Variants in SCRG1 observed in about 807,000 individuals in gnomAD.
SCRG1 encodes the protein stimulator of chondrogenesis 1.
In SCRG1, 3 loss-of-function variants were observed where a neutral mutation model predicts 7.7. The ratio of observed to expected loss-of-function variants is 0.39; its 90% CI spans 0.18 to 1.01. The LOEUF (loss-of-function observed/expected upper bound fraction) is 1.01, where lower values mean the gene tolerates loss of function less well. Ranked by LOEUF, SCRG1 falls within the 50% of genes least tolerant of loss-of-function variation. The pLI is 0.36. For synonymous variants in SCRG1, 46 were observed against 41.2 expected, an observed-to-expected ratio of 1.12 and a Z score of -0.44; for missense variants, 110 against 117.2, an observed-to-expected ratio of 0.94 and a Z score of 0.28.
At chr4:173,426,272 C>T in the SCRG1 span, among the ~76,000 whole-genome samples, 4 of 152,306 alleles carry the variant, frequency 2.6e-5, no homozygotes, top group East Asian at 3.9e-4. Context: ...GGTTTCTCCT[C>T]ATTCATCCGG....
the SCRG1 span, among the ~76,000 whole-genome samples, chr4:173,516,792 C>T: frequency 1.3e-5 from 2 of 152,182 alleles, no homozygotes; most frequent in African/African-American, 4.8e-5. Context: ...AGAGGCGCAC[C>T]GGGTTCCGAC....
At chr4:173,516,778 A>G in the SCRG1 span, among the ~76,000 whole-genome samples, 1 of 152,182 alleles carries the variant, frequency 6.6e-6, no homozygotes, top group African/African-American at 2.4e-5. Context: ...CGCTGACGTT[A>G]CGCAGAGGCG....
At chr4:173,392,091 TG>T (rs1560830345) in intron 1 of SCRG1, among the ~76,000 whole-genome samples, 1 of 152,206 alleles carries the variant, frequency 6.6e-6, no homozygotes, top group African/African-American at 2.4e-5. Flanking sequence ...TTGAATACAG[TG>T]GTTCTTTACC....
At chr4:173,442,706 G>A in the SCRG1 span, among the ~76,000 whole-genome samples, 8 of 152,268 alleles carry the variant, frequency 5.3e-5, no homozygotes, top group Non-Finnish European at 7.4e-5. Context: ...TCAAAGGGCC[G>A]CATCTGGTGA....
chr4:173,498,613 G>A, the SCRG1 span, among the ~76,000 whole-genome samples: 1 of 152,206 alleles, frequency 6.6e-6, no homozygotes, highest in Non-Finnish European at 1.5e-5. Context: ...CATATGGTCT[G>A]GGTAAGGGGC....
chr4:173,417,162 A>G, the SCRG1 span, among the ~76,000 whole-genome samples: 1 of 152,068 alleles, frequency 6.6e-6, no homozygotes, highest in African/African-American at 2.4e-5. Context: ...ACACACACAC[A>G]CAGAGCCTTT....
the SCRG1 span, among the ~76,000 whole-genome samples, chr4:173,482,947 T>A: frequency 1.5e-5 from 2 of 135,694 alleles, no homozygotes; most frequent in Non-Finnish European, 3.1e-5. Flanking sequence ...ATGAAATATA[T>A]AATATATTGT....
chr4:173,494,195 C>T, the SCRG1 span, among the ~76,000 whole-genome samples: 2 of 152,106 alleles, frequency 1.3e-5, no homozygotes, highest in Admixed American at 6.5e-5. Flanking sequence ...GGCGCGAGTG[C>T]CCACCGGCCC....
the SCRG1 span, among the ~76,000 whole-genome samples, chr4:173,485,236 A>T: frequency 7.7e-6 from 1 of 130,230 alleles, no homozygotes; most frequent in East Asian, 2.1e-4. Context: ...TTTTTTTAAA[A>T]AGGAATGAGG....
At chr4:173,447,806 C>T in the SCRG1 span, among the ~76,000 whole-genome samples, 1 of 152,142 alleles carries the variant, frequency 6.6e-6, no homozygotes, top group Non-Finnish European at 1.5e-5. Flanking sequence ...TGACAGTTGT[C>T]AGGAGGATAA....
the SCRG1 span, among the ~76,000 whole-genome samples, chr4:173,475,463 T>C: frequency 6.6e-6 from 1 of 152,162 alleles, no homozygotes; most frequent in African/African-American, 2.4e-5. Flanking sequence ...GGCAAAGATA[T>C]AGAAAAATTG....
chr4:173,484,683 T>TATAATATATATTATATGCATATAATAC, the SCRG1 span, among the ~76,000 whole-genome samples: 1 of 50,066 alleles, frequency 2.0e-5, no homozygotes, highest in Non-Finnish European at 3.8e-5. Context: ...ATGTATAATA[T>TATAATATATATTATATGCATATAATAC]ATATTATATA....
At chr4:173,433,882 A>C in the SCRG1 span, among the ~76,000 whole-genome samples, 1 of 152,080 alleles carries the variant, frequency 6.6e-6, no homozygotes, top group Non-Finnish European at 1.5e-5. Flanking sequence ...ATGGGTCCCT[A>C]CTCTATGAGG....
At chr4:173,504,019 G>C in the SCRG1 span, among the ~76,000 whole-genome samples, 1 of 152,106 alleles carries the variant, frequency 6.6e-6, no homozygotes, top group East Asian at 1.9e-4. The surrounding 1 kb of genome is among the most constrained non-coding windows in gnomAD (Gnocchi z 4.7). Context: ...TTCCAGTCCT[G>C]CACAACTGCA....
the SCRG1 span, among the ~76,000 whole-genome samples, chr4:173,472,767 A>G: frequency 6.6e-6 from 1 of 152,178 alleles, no homozygotes; most frequent in Non-Finnish European, 1.5e-5. Flanking sequence ...TTTTTTGCTG[A>G]GAATGTTAAT....
chr4:173,431,706 T>C, the SCRG1 span, among the ~76,000 whole-genome samples: 1 of 152,180 alleles, frequency 6.6e-6, no homozygotes, highest in African/African-American at 2.4e-5. Flanking sequence ...GTTATGTGAG[T>C]ATAAGAGGCA....
chr4:173,421,785 A>G, the SCRG1 span, among the ~76,000 whole-genome samples: 1 of 152,158 alleles, frequency 6.6e-6, no homozygotes, highest in Non-Finnish European at 1.5e-5. Flanking sequence ...AGTATGGGGC[A>G]GGTAGGGTGG....
At chr4:173,489,233 A>C in the SCRG1 span, among the ~76,000 whole-genome samples, 1 of 152,212 alleles carries the variant, frequency 6.6e-6, no homozygotes, top group African/African-American at 2.4e-5. Flanking sequence ...TTCCTACCAA[A>C]ACTGTGCAGT....
chr4:173,404,612 G>A (rs1739854175), intron 1 of SCRG1, among the ~76,000 whole-genome samples: 1 of 152,216 alleles, frequency 6.6e-6, no homozygotes, highest in African/African-American at 2.4e-5. Context: ...TTCTTGGGAA[G>A]TAATCATTCA....
Sources: allele counts gnomAD v4.1 joint callset (sites outside exome capture counted in the v4.1 genomes callset), GRCh38; gene constraint gnomAD v4.1.1; non-coding constraint Gnocchi (gnomAD v3.1); transcripts MANE v1.5; gene names NCBI Gene and HGNC (gene_info 2026-07-23, HGNC 2026-07-21).